DST: variants seen among roughly 807,000 people sequenced by gnomAD.
The protein encoded by DST is dystonin, also known as bullous pemphigoid antigen.
DST carries 253 observed loss-of-function variants against 875.2 expected under a neutral mutation model. The ratio of observed to expected loss-of-function variants is 0.29; its 90% CI spans 0.26 to 0.32. The LOEUF is 0.32. Ranked by LOEUF, DST falls within the 10% of genes least tolerant of loss-of-function variation. The pLI is 1.00. For synonymous variants in DST, 3,124 were observed against 3,197.1 expected (o/e 0.98, Z 0.77); for missense variants, 8,287 against 9,111.6 (o/e 0.91, Z 3.68).
At chr6:56,609,606 T>C (rs2098527429) in intron 39 of DST, among the ~76,000 whole-genome samples, 1 of 152,154 alleles carries the variant, frequency 6.6e-6, no homozygotes, top group African/African-American at 2.4e-5. Context: ...ATCGTGTATA[T>C]TGACAAGGTT....
Position 56,504,005 on chromosome 6 carries a change from C to G in DST, c.19558G>C (p.Glu6520Gln), listed in dbSNP as rs1309245053. The stretch of plus-strand genomic sequence containing the variant: ...TTAGCCCCCACACATACCTTTAGCT[C>G]TTCAATCTGCTGCTTGACAGTTTCG... ...DLETVKQQIE[E>Q]LKQFKSEAYQ... Residue 6520 changes from glutamate (E) to glutamine (Q), a missense_variant, in exon 78 of 104, where the codon GAG becomes CAG. By Grantham distance (29) the Glu-to-Gln change is conservative (BLOSUM62 2). Around this residue, in one of 10 missense-constraint regions of DST, gnomAD observed 1,292 missense variants for 1,552.7 expected, o/e 0.83. Transcript: ENST00000680361. The G allele has an allele frequency of 3.7e-6, 6 of 1,607,582 alleles. No individual in the cohort carries two copies. Among genetic ancestry groups the G allele is most frequent in the Middle Eastern group, 3.3e-4 (2 of 6,034 alleles).
intron 87 of DST, 90 bp from the exon 88 acceptor site, chr6:56,485,561 G>A (rs1254542279): frequency 3.2e-6 from 4 of 1,232,208 alleles, no homozygotes; most frequent in Admixed American, 2.1e-5. Context: ...AAGGTTGAGT[G>A]GTACTCAAGG....
chr6:56,574,768 TTCTC>T (rs965468632), intron 50 of DST, among the ~76,000 whole-genome samples: 3 of 152,204 alleles, frequency 2.0e-5, no homozygotes, highest in Admixed American at 2.0e-4. Context: ...ATTCATCTCT[TTCTC>T]TCTGGAAAAT....
chr6:56,610,922 A>T lies in DST; in HGVS notation c.5148-360T>A, dbSNP rs182742363. Among the ~76,000 whole-genome samples the T allele has an allele frequency of 2.6e-5, 4 of 152,310 alleles. No individual in the cohort carries two copies. In the East Asian group the frequency reaches 7.7e-4, roughly 29 times the overall value. On this transcript the variant is annotated intron_variant, in intron 38 of 103. Coordinates refer to ENST00000680361, the MANE Select transcript of DST (RefSeq NM_001374736.1). ...CCATTTCTCAAGATGAAACTTGTTTAGACTAAAGCACAAACAAAGAGGAAA... is the reference window on the plus strand; with the variant it reads ...CCATTTCTCAAGATGAAACTTGTTTTGACTAAAGCACAAACAAAGAGGAAA...
intron 4 of DST, chr6:56,843,324 G>C (rs1015090454): frequency 1.2e-5 from 15 of 1,222,268 alleles, no homozygotes; most frequent in Non-Finnish European, 1.5e-5. Context: ...GCCGGCGCCA[G>C]GGCCGGCAAA....
At chr6:56,785,408 G>C (rs528190238) in intron 4 of DST, among the ~76,000 whole-genome samples, 1 of 152,280 alleles carries the variant, frequency 6.6e-6, no homozygotes, top group Non-Finnish European at 1.5e-5. Context: ...AGCAAGCCTG[G>C]GCAATGGCAG....
intron 3 of DST, among the ~76,000 whole-genome samples, chr6:56,880,499 C>G (rs149498544): frequency 1.3e-5 from 2 of 152,022 alleles, no homozygotes; most frequent in Non-Finnish European, 2.9e-5. Flanking sequence ...ACCAGACTGG[C>G]CAACATGGTA....
chr6:56,907,392 T>C (rs1462392584), intron 2 of DST, among the ~76,000 whole-genome samples: 2 of 152,222 alleles, frequency 1.3e-5, no homozygotes, highest in Non-Finnish European at 2.9e-5. Flanking sequence ...TTTGGTTGTG[T>C]ATGTGTAGAT....
At chr6:56,781,396 A>C (rs1159784204) in intron 4 of DST, among the ~76,000 whole-genome samples, 3 of 151,934 alleles carry the variant, frequency 2.0e-5, no homozygotes, top group Non-Finnish European at 1.5e-5. Flanking sequence ...CTTTTATTTC[A>C]TTGAGCAGTG....
Position 56,555,405 on chromosome 6 carries a change from C to T in DST, c.15076G>A (p.Glu5026Lys). The change falls in exon 60 of 104, where the codon GAA becomes AAA. Residue 5026 changes from glutamate (E) to lysine (K), a missense_variant. Glu to Lys is a moderately conservative substitution (Grantham distance 56). Transcript: ENST00000680361. The stretch of plus-strand genomic sequence containing the variant: ...ATGCCTTCTAGTTGCCTACTAAGTT[C>T]TGCTTTCAAGTACTCTTCTTTAACC... ...ALVKEEYLKA[E>K]LSRQLEGILK... is the part of the protein sequence containing the mutation. The T allele has an allele frequency of 6.2e-7, 1 of 1,612,100 alleles. No homozygotes were observed. The highest frequency in any genetic ancestry group is 1.1e-5 in the South Asian group (1 of 90,760).
intron 9 of DST, among the ~76,000 whole-genome samples, chr6:56,687,221 TG>T (rs2099193388): frequency 6.6e-6 from 1 of 152,232 alleles, no homozygotes; most frequent in Non-Finnish European, 1.5e-5. Context: ...TCCCTTTATA[TG>T]TTTCTATTAA....
chr6:56,851,472 G>A lies in DST; in HGVS notation c.550C>T (p.His184Tyr). 1 of 1,614,044 alleles carries A rather than the reference G, an allele frequency of 6.2e-7. No individual in the cohort carries two copies. The highest frequency in any genetic ancestry group is 2.2e-5 in the East Asian group (1 of 44,880). ...GDTLPWNLPK[H>Y]ERSKRKIQGG... is the part of the protein sequence containing the mutation. ...TGAATCTTTCTTTTCGATCTCTCAT[G>A]TTTAGGCAAATTCCAGGGTAAGGTG... is the stretch of plus-strand genomic sequence containing the variant. Residue 184 changes from histidine (H) to tyrosine (Y), a missense_variant, in exon 4 of 104, where the codon CAT becomes TAT. Around this residue, in one of 10 missense-constraint regions of DST, gnomAD observed 1,160 missense variants for 1,424.3 expected, o/e 0.81. Transcript: ENST00000680361.
chr6:56,627,169 T>A (rs2098742593), intron 34 of DST, 35 bp downstream of exon 34: 1 of 1,436,836 alleles, frequency 7.0e-7, no homozygotes, highest in African/African-American at 1.4e-5. Flanking sequence ...CAAACCTGAA[T>A]ATTAAATTTT....
At chr6:56,813,645 C>A (rs1049785598) in intron 4 of DST, among the ~76,000 whole-genome samples, 1 of 152,130 alleles carries the variant, frequency 6.6e-6, no homozygotes, top group Non-Finnish European at 1.5e-5. Context: ...TTGAGATACG[C>A]TTTTCAGAAA....
At chr6:56,585,603 G>C (rs571729779) in intron 49 of DST, among the ~76,000 whole-genome samples, 1 of 152,084 alleles carries the variant, frequency 6.6e-6, no homozygotes, top group African/African-American at 2.4e-5. Flanking sequence ...CTTCAGTTCT[G>C]CTCTGACTTT....
At chr6:56,459,741 GATTAGTAGGTTC>G (rs1342990613) in intron 103 of DST, among the ~76,000 whole-genome samples, 1 of 152,164 alleles carries the variant, frequency 6.6e-6, no homozygotes, top group Non-Finnish European at 1.5e-5. Context: ...AGAACCCAGA[GATTAGTAGGTTC>G]ATTATTTTGC....
rs764457552 is a variant in DST, at chr6:56,515,455, G to A, written c.18571C>T (p.His6191Tyr). The A allele has an allele frequency of 6.2e-7, 1 of 1,613,794 alleles. No homozygotes were observed. The highest frequency in any genetic ancestry group is 2.2e-5 in the East Asian group (1 of 44,874). Residue 6191 changes from histidine (H) to tyrosine (Y), a missense_variant, in exon 72 of 104, where the codon CAT becomes TAT. Around this residue, in one of 10 missense-constraint regions of DST, gnomAD observed 1,292 missense variants for 1,552.7 expected, o/e 0.83. Coordinates refer to ENST00000680361, the MANE Select transcript of DST (RefSeq NM_001374736.1). ...CTCTTTCACACCAGGCTTACCCGAT[G>A]TTCTTCCTGCTGCTGCCTTAGAGTT... Reference protein sequence around the residue: ...YETLRQQQEEHRQLRELIAEH... With the variant: ...YETLRQQQEEYRQLRELIAEH...
intron 3 of DST, among the ~76,000 whole-genome samples, chr6:56,856,481 A>C (rs1268166911): frequency 2.7e-5 from 4 of 149,500 alleles, no homozygotes; most frequent in African/African-American, 7.6e-5. Flanking sequence ...AATATTCACC[A>C]AAAAAAACCC....
rs951985204 is a variant in DST at position 56,607,607 on chromosome 6, G to C, written c.7021C>G (p.Pro2341Ala). 1.1e-5 allele frequency: 17 copies of C among 1,613,160 alleles called. No homozygotes were observed. The highest frequency in any genetic ancestry group is 9.3e-6 in the Non-Finnish European group (11 of 1,179,544). The change falls in exon 40 of 104, where the codon CCC becomes GCC. Residue 2341 changes from proline to alanine, a missense_variant. Around this residue, in one of 10 missense-constraint regions of DST, gnomAD observed 3,138 missense variants for 3,116.6 expected, o/e 1.01. Transcript: ENST00000680361. ...TGTGTTAAATATGATATGAGACTGG[G>C]AACACACACACTGGGTGAACTGTTA... ...KVNSSPSVCV[P>A]SLISYLTQTE... is the part of the protein sequence containing the mutation.
Sources: gnomAD v4.1 joint callset for allele counts (sites outside exome capture counted in the v4.1 genomes callset) on GRCh38, gnomAD v4.1.1 for gene constraint, gnomAD v4.1.1 regional missense constraint, MANE v1.5 for transcripts, NCBI Gene and HGNC (gene_info 2026-07-23, HGNC 2026-07-21) for gene names.